Variants in SNX14 observed in about 807,000 individuals in gnomAD.
The protein encoded by SNX14 is sorting nexin 14.
Under a neutral mutation model 133.8 loss-of-function variants are expected in SNX14, and 93 were observed. The ratio of observed to expected loss-of-function variants is 0.70; its 90% CI spans 0.59 to 0.83. The LOEUF is 0.83. Ranked by LOEUF, SNX14 falls within the 40% of genes least tolerant of loss-of-function variation. The pLI is 0.00. For synonymous variants in SNX14, 368 were observed against 365.6 expected (o/e 1.01, Z -0.07); for missense variants, 945 against 1,094.9 (o/e 0.86, Z 1.93).
At chr6:85,515,719 T>C (rs535060519) in intron 23 of SNX14, among the ~76,000 whole-genome samples, 3 of 152,078 alleles carry the variant, frequency 2.0e-5, no homozygotes, top group Admixed American at 1.3e-4. Context: ...AAAAGGGCTC[T>C]CCCTTCTGAT....
intron 5 of SNX14, 32 bp downstream of exon 5, chr6:85,567,501 CA>C (rs775451451): frequency 6.9e-7 from 1 of 1,449,108 alleles, no homozygotes; most frequent in East Asian, 2.6e-5. Flanking sequence ...TTCACTGTAT[CA>C]CAGAAAAAAA....
In SNX14 at chr6:85,592,667, G is replaced by A. The variant is rs983809760; in HGVS notation, c.140+912C>T. Among the ~76,000 whole-genome samples, 4 of 152,042 alleles carry A rather than the reference G, an allele frequency of 2.6e-5. No individual in the cohort carries two copies. In the South Asian group the frequency reaches 8.3e-4, roughly 32 times the overall value. On this transcript the variant is annotated intron_variant, in intron 1 of 28. Coordinates refer to ENST00000314673, the MANE Select transcript of SNX14 (RefSeq NM_153816.6). ...TCGGAATATTTCAGGTTTTTTTGGG[G>A]AGGGTGGCATCAAGTCCTCTTAAGA... is the stretch of plus-strand genomic sequence containing the variant.
intron 13 of SNX14, 102 bp downstream of exon 13, chr6:85,543,503 A>G (rs761265933): frequency 8.1e-5 from 88 of 1,088,052 alleles, no homozygotes; most frequent in Non-Finnish European, 1.1e-4. Context: ...ATAGAATAAT[A>G]GCTGCCCATG....
At chr6:85,561,825 GT>G (rs530342992) in intron 6 of SNX14, among the ~76,000 whole-genome samples, 46 of 136,452 alleles carry the variant, frequency 3.4e-4, no homozygotes, top group Admixed American at 4.4e-4. Flanking sequence ...TTTCTTTTTT[GT>G]TTTTTTTTTT....
At chr6:85,522,422 G>C (rs1315489192) in intron 21 of SNX14, among the ~76,000 whole-genome samples, 1 of 152,148 alleles carries the variant, frequency 6.6e-6, no homozygotes, top group Non-Finnish European at 1.5e-5. Flanking sequence ...TACACAACCT[G>C]TTTGATTTGG....
intron 1 of SNX14, among the ~76,000 whole-genome samples, chr6:85,590,048 A>G (rs1023953251): frequency 3.9e-5 from 6 of 152,216 alleles, no homozygotes; most frequent in African/African-American, 1.4e-4. Context: ...CCAGGGGCAT[A>G]GTCCAGTATC....
At chr6:85,546,516 G>T (rs1435954586) in intron 12 of SNX14, among the ~76,000 whole-genome samples, 1 of 151,820 alleles carries the variant, frequency 6.6e-6, no homozygotes, top group Non-Finnish European at 1.5e-5. Context: ...TATTGACATG[G>T]GCTACAGTTT....
rs759806241 is a variant in SNX14 at position 85,565,338 on chromosome 6, A to G, written c.543T>C (p.Ile181=). 23 of 1,579,934 alleles carry G rather than the reference A, an allele frequency of 1.5e-5. No individual in the cohort carries two copies. The highest frequency in any genetic ancestry group is 1.8e-5 in the Non-Finnish European group (21 of 1,160,754). Residue 181 remains isoleucine (I), a synonymous_variant, in exon 6 of 29, where the codon ATT becomes ATC. Transcript: ENST00000314673. ...RFFASVLIRR[I]HKVDIPSIIT... ...TCTCATTAAAAATATATACCTTGTG[A>G]ATCCTTCTTATTAAGACAGATGCAA... is the stretch of plus-strand genomic sequence containing the variant.
rs1446641153 is a variant in SNX14 at position 85,513,089 on chromosome 6, A to G, written c.2653+711T>C. ...CTCCAACTTTTGAACCTCGGTGTCT[A>G]AGTGTTTAACAGACACTTCCTCCTG... On this transcript the variant is annotated intron_variant, in intron 26 of 28. Transcript: ENST00000314673. Among the ~76,000 whole-genome samples, 3 of 152,168 alleles carry G rather than the reference A, an allele frequency of 2.0e-5. 1 individual carries two copies. The highest frequency in any genetic ancestry group is 4.8e-5 in the African/African-American group (2 of 41,436).
intron 1 of SNX14, among the ~76,000 whole-genome samples, chr6:85,580,481 G>A (rs915934498): frequency 1.2e-4 from 18 of 152,146 alleles, no homozygotes; most frequent in East Asian, 1.9e-4. Flanking sequence ...AGGGGATGTC[G>A]TCTTACAGCT....
intron 23 of SNX14, among the ~76,000 whole-genome samples, chr6:85,514,877 T>C (rs1215951591): frequency 1.3e-5 from 2 of 152,138 alleles, no homozygotes; most frequent in Admixed American, 1.3e-4. Context: ...AGATAATTCA[T>C]TATCCATTAA....
intron 7 of SNX14, among the ~76,000 whole-genome samples, chr6:85,555,695 TA>T (rs1789488648): frequency 6.6e-6 from 1 of 151,976 alleles, no homozygotes; most frequent in Non-Finnish European, 1.5e-5. Context: ...ATGTAAAGAG[TA>T]AAACCTAACG....
chr6:85,580,659 A>G (rs1371591923), intron 1 of SNX14, among the ~76,000 whole-genome samples: 1 of 152,092 alleles, frequency 6.6e-6, no homozygotes, highest in Non-Finnish European at 1.5e-5. Context: ...CAAGCTGACT[A>G]AGGAGGCCTT....
intron 18 of SNX14, among the ~76,000 whole-genome samples, chr6:85,531,231 C>A (rs998262646): frequency 6.6e-6 from 1 of 152,170 alleles, no homozygotes; most frequent in South Asian, 2.1e-4. Flanking sequence ...CCAGTTAACC[C>A]CACCCCCATT....
rs1211742421 is a variant in SNX14 at position 85,565,420 on chromosome 6, C to T, written c.462-1G>A. 1 of 1,584,822 alleles carries T rather than the reference C, an allele frequency of 6.3e-7. No individual in the cohort carries two copies. The highest frequency in any genetic ancestry group is 8.6e-7 in the Non-Finnish European group (1 of 1,164,204). On this transcript the variant is annotated splice_acceptor_variant, in intron 5 of 28. Transcript: ENST00000314673. LOFTEE classifies it high-confidence loss of function. ...AAAGGATTCATCATCTGTCACATCC[C>T]TTCAATAAGGAGAAAAACAAATATT... is the stretch of plus-strand genomic sequence containing the variant.
chr6:85,585,121 A>T (rs1453179063), intron 1 of SNX14, among the ~76,000 whole-genome samples: 1 of 152,196 alleles, frequency 6.6e-6, no homozygotes, highest in Non-Finnish European at 1.5e-5. Flanking sequence ...CATTTTCAGC[A>T]AACTAACACA....
intron 24 of SNX14, 90 bp downstream of exon 24, chr6:85,514,416 G>A: frequency 1.3e-6 from 2 of 1,508,940 alleles, no homozygotes; most frequent in South Asian, 1.3e-5. Context: ...TAAAAAGACA[G>A]TTATGATGGG....
chr6:85,547,483 T>C (rs1786078076), intron 10 of SNX14, 23 bp downstream of exon 10: 2 of 1,605,968 alleles, frequency 1.2e-6, no homozygotes, highest in Admixed American at 1.7e-5. Flanking sequence ...TCTGAAGTGT[T>C]TTCTAATATA....
chr6:85,569,715 T>A (rs1429123669), intron 4 of SNX14, among the ~76,000 whole-genome samples: 1 of 152,208 alleles, frequency 6.6e-6, no homozygotes, highest in Non-Finnish European at 1.5e-5. Flanking sequence ...TTGAGAAAAT[T>A]ATTAAAATTC....
Sources: allele counts gnomAD v4.1 joint callset (sites outside exome capture counted in the v4.1 genomes callset), GRCh38; gene constraint gnomAD v4.1.1; transcripts MANE v1.5; gene names NCBI Gene and HGNC (gene_info 2026-07-23, HGNC 2026-07-21).